Variants in ANKRD30B observed in about 807,000 individuals in gnomAD.
ANKRD30B encodes ankyrin repeat domain 30B.
In ANKRD30B, 144 loss-of-function variants were observed where a neutral mutation model predicts 202.2. The observed-to-expected ratio is 0.71, with a 90% CI of 0.62 to 0.82. The LOEUF is 0.82. Among genes scored for constraint, ANKRD30B ranks in the 40% least tolerant of loss-of-function variants. The pLI, the probability that ANKRD30B is intolerant of heterozygous loss-of-function variation, is 0.00. For synonymous variants in ANKRD30B, 508 were observed against 561.3 expected (o/e 0.91, Z 1.34); for missense variants, 1,487 against 1,669.1 (o/e 0.89, Z 1.90).
chr18:14,866,528 G>A, the ANKRD30B span, among the ~76,000 whole-genome samples: 2 of 152,116 alleles, frequency 1.3e-5, no homozygotes, highest in Non-Finnish European at 2.9e-5. Flanking sequence ...GAGAAGGTGG[G>A]GACCGTGCCC....
chr18:14,890,296 T>G, the ANKRD30B span, among the ~76,000 whole-genome samples: 2 of 151,416 alleles, frequency 1.3e-5, no homozygotes, highest in East Asian at 1.9e-4. Context: ...AAACTGACGG[T>G]TTTTTATTTT....
the ANKRD30B span, among the ~76,000 whole-genome samples, chr18:14,924,927 A>G: frequency 3.2e-4 from 49 of 152,224 alleles, no homozygotes; most frequent in Non-Finnish European, 6.0e-4. Context: ...GCTGTGTGAC[A>G]TAGACAATTG....
chr18:14,821,136 C>T (rs1288670676), intron 30 of ANKRD30B, among the ~76,000 whole-genome samples: 2 of 152,142 alleles, frequency 1.3e-5, no homozygotes, highest in Admixed American at 1.3e-4. Context: ...TCTAGATTTT[C>T]TAGTTTATTT....
At chr18:14,797,151 G>A (rs1326334986) in intron 18 of ANKRD30B, among the ~76,000 whole-genome samples, 1 of 152,152 alleles carries the variant, frequency 6.6e-6, no homozygotes, top group Non-Finnish European at 1.5e-5. Context: ...AAGAGGCCTA[G>A]AAGAGCCGTG....
chr18:14,867,803 G>A, the ANKRD30B span, among the ~76,000 whole-genome samples: 8 of 152,326 alleles, frequency 5.3e-5, no homozygotes, highest in Non-Finnish European at 2.9e-5. Flanking sequence ...GACTTTGGAG[G>A]GTGGGTGTGA....
chr18:14,766,726 A>G (rs1459677423), intron 7 of ANKRD30B, among the ~76,000 whole-genome samples: 7 of 152,144 alleles, frequency 4.6e-5, no homozygotes, highest in Non-Finnish European at 1.0e-4. Context: ...ATAGATCTCA[A>G]TGAGCTTATC....
intron 15 of ANKRD30B, among the ~76,000 whole-genome samples, chr18:14,789,780 T>G (rs2143914467): frequency 6.6e-6 from 1 of 152,328 alleles, no homozygotes; most frequent in South Asian, 2.1e-4. Flanking sequence ...ACCACGCTGT[T>G]TTGGTCACTG....
At chr18:14,776,318 G>A (rs1967349336) in intron 9 of ANKRD30B, among the ~76,000 whole-genome samples, 1 of 152,186 alleles carries the variant, frequency 6.6e-6, no homozygotes, top group Non-Finnish European at 1.5e-5. Context: ...ACACTTATAA[G>A]CCACTATAAC....
intron 37 of ANKRD30B, 31 bp from the exon 38 acceptor site, chr18:14,842,866 T>A (rs773780554): frequency 6.5e-7 from 1 of 1,548,090 alleles, no homozygotes; most frequent in East Asian, 2.5e-5. Context: ...TATTTACTTA[T>A]GACTGATAAT....
In ANKRD30B at chr18:14,797,602, G is replaced by T. The variant is rs891006232; in HGVS notation, c.1928-59G>T. On this transcript the variant is annotated intron_variant, in intron 18 of 43. Transcript: ENST00000690538. ...ATCTTCATATTCACACTGTATGAAC[G>T]TTTGGTAGGCTTTGTCAGGCTTGCA... 1.3e-5 allele frequency: 20 copies of T among 1,514,672 alleles called. No homozygotes were observed. In the African/African-American group the frequency reaches 2.3e-4, roughly 18 times the overall value. 93.8% of individuals were successfully genotyped at this position (1,514,672 alleles called of 1,614,324 possible). A position where few individuals can be genotyped will look rare whatever the true frequency, so the allele number is the denominator to read the frequency against.
At chr18:14,888,814 G>T in the ANKRD30B span, 2 of 1,027,736 alleles carry the variant, frequency 1.9e-6, no homozygotes, top group Non-Finnish European at 2.9e-6. Flanking sequence ...CCCCTCCATT[G>T]TGTGTCCATT....
rs534647133 is a variant in ANKRD30B at position 14,777,582 on chromosome 18, C to T, written c.1330-403C>T. Among the ~76,000 whole-genome samples the T allele has an allele frequency of 3.9e-5, 6 of 152,048 alleles. No individual in the cohort carries two copies. The East Asian group carries it at 9.7e-4, about 25-fold the overall frequency. ...AAGTGCTAGAATTACTGGCATGAAC[C>T]ACTGCACCTGGCCCCATAAAAAAGA... is the stretch of plus-strand genomic sequence containing the variant. On this transcript the variant is annotated intron_variant, in intron 9 of 43. Coordinates refer to ENST00000690538, the MANE Select transcript of ANKRD30B (RefSeq NM_001367607.2).
intron 30 of ANKRD30B, among the ~76,000 whole-genome samples, chr18:14,820,133 G>A (rs1024347421): frequency 2.0e-3 from 307 of 152,198 alleles, no homozygotes; most frequent in South Asian, 0.01. Flanking sequence ...AATTGTGAAT[G>A]GGAGTTCACT....
At chr18:14,810,269 C>A in intron 28 of ANKRD30B, 89 bp downstream of exon 28, 3 of 880,306 alleles carry the variant, frequency 3.4e-6, no homozygotes, top group Non-Finnish European at 4.9e-6. Flanking sequence ...AAGTTGTTTT[C>A]TTTTGAAAAT....
intron 20 of ANKRD30B, among the ~76,000 whole-genome samples, 176 bp from the exon 21 acceptor site, chr18:14,798,925 C>G (rs1414733300): frequency 6.6e-6 from 1 of 152,148 alleles, no homozygotes; most frequent in East Asian, 1.9e-4. Flanking sequence ...TTCAGGGGGT[C>G]TCCCTACAGT....
Position 14,748,441 on chromosome 18 carries a change from G to A in ANKRD30B, c.22G>A (p.Ala8Thr), listed in dbSNP as rs770423253. 2.0e-6 allele frequency: 3 copies of A among 1,514,854 alleles called. No homozygotes were observed. The African/African-American group carries it at 4.2e-5, about 21-fold the overall frequency. The allele number at this position is 1,514,854 out of a possible 1,614,324, so 93.8% of individuals were successfully genotyped here. A position where few individuals can be genotyped will look rare whatever the true frequency, so the allele number is the denominator to read the frequency against. Residue 8 changes from alanine to threonine, a missense_variant, in exon 1 of 44, where the codon GCT becomes ACT. Coordinates refer to ENST00000690538, the MANE Select transcript of ANKRD30B (RefSeq NM_001367607.2). ...AGCCATGAAGAGGCTCTTAGCTGCC[G>A]CTGGCAAGGGCGTGCGGGGCCCGGA... MKRLLAA[A>T]GKGVRGPEPP... is the part of the protein sequence containing the mutation.
At chr18:14,927,723 T>A in the ANKRD30B span, among the ~76,000 whole-genome samples, 1 of 152,262 alleles carries the variant, frequency 6.6e-6, no homozygotes, top group Non-Finnish European at 1.5e-5. Flanking sequence ...TTCCTGGCTC[T>A]AACAATTCTA....
In ANKRD30B at chr18:14,748,398, T is replaced by C. The variant is rs966478588; in HGVS notation, c.-22T>C. On this transcript the variant is annotated 5_prime_UTR_variant, in exon 1 of 44. Coordinates refer to ENST00000690538, the MANE Select transcript of ANKRD30B (RefSeq NM_001367607.2). Reference sequence around the variant, plus strand: ...AAGGGCGAGCGGGAGGCGCGGGCTCTCTCTAGCAGGGGGCTGCAGCCATGA... The same window carrying C: ...AAGGGCGAGCGGGAGGCGCGGGCTCCCTCTAGCAGGGGGCTGCAGCCATGA... 4 of 1,422,702 alleles carry C rather than the reference T, an allele frequency of 2.8e-6. No individual in the cohort carries two copies. In the African/African-American group the frequency reaches 5.9e-5, roughly 21 times the overall value. The allele number at this position is 1,422,702 out of a possible 1,614,324, so 88.1% of individuals were successfully genotyped here. A position where few individuals can be genotyped will look rare whatever the true frequency, so the allele number is the denominator to read the frequency against.
Position 14,853,857 on chromosome 18 carries a change from T to C in ANKRD30B, c.4525T>C (p.Cys1509Arg), listed in dbSNP as rs1241074047. 1.3e-5 allele frequency among the ~76,000 whole-genome samples: 2 copies of C among 152,296 alleles called. No individual in the cohort carries two copies. Among genetic ancestry groups the C allele is most frequent in the Non-Finnish European group, 1.5e-5 (1 of 68,010 alleles). The change falls in exon 43 of 44, where the codon TGT becomes CGT. Residue 1509 changes from cysteine to arginine, a missense_variant. Physicochemically the swap from Cys to Arg is radical, Grantham distance 180. Transcript: ENST00000690538. ...AAAATTGGCGGATCTTAATAAACAG[T>C]GTGAGGCTTCACTAAAGGTTACATC... ...QKKLADLNKQ[C>R]EASLKVTSHS...
Sources: allele counts gnomAD v4.1 joint callset (sites outside exome capture counted in the v4.1 genomes callset), GRCh38; gene constraint gnomAD v4.1.1; transcripts MANE v1.5; gene names NCBI Gene and HGNC (gene_info 2026-07-23, HGNC 2026-07-21).